SLC39A11: variants seen among roughly 807,000 people sequenced by gnomAD.
SLC39A11 encodes zinc transporter ZIP11.
A neutral mutation model predicts 36.1 loss-of-function variants in SLC39A11; 33 were observed. The observed-to-expected ratio is 0.91, with a 90% confidence interval of 0.69 to 1.22. The LOEUF (loss-of-function observed/expected upper bound fraction) is 1.22. Among genes scored for constraint, SLC39A11 ranks in the 50% most tolerant of loss-of-function variants. The pLI is 0.00. For synonymous variants in SLC39A11, 166 were observed against 170.3 expected, an observed-to-expected ratio of 0.97 and a Z score of 0.20; for missense variants, 432 against 430.3, an observed-to-expected ratio of 1.00 and a Z score of -0.03.
intron 1 of SLC39A11, among the ~76,000 whole-genome samples, chr17:73,089,952 A>C (rs1334099844): frequency 6.6e-6 from 1 of 152,160 alleles, no homozygotes; most frequent in Non-Finnish European, 1.5e-5. Flanking sequence ...AGGCAGAGAA[A>C]CCCATTTGTT....
chr17:72,999,674 G>A (rs1356690916), intron 4 of SLC39A11, among the ~76,000 whole-genome samples: 1 of 152,172 alleles, frequency 6.6e-6, no homozygotes, highest in East Asian at 1.9e-4. Flanking sequence ...TCCTGCTGTG[G>A]TGAACACTGA....
At chr17:72,960,838 C>A (rs1568026545) in intron 4 of SLC39A11, among the ~76,000 whole-genome samples, 1 of 150,800 alleles carries the variant, frequency 6.6e-6, no homozygotes, top group Non-Finnish European at 1.5e-5. Context: ...AAAAAAAAAA[C>A]CCTTCCTTTT....
chr17:72,959,655 A>T (rs1041127261), intron 4 of SLC39A11, among the ~76,000 whole-genome samples: 3 of 151,960 alleles, frequency 2.0e-5, no homozygotes, highest in Non-Finnish European at 4.4e-5. Context: ...AGTCTCACAA[A>T]CCACCACTAA....
intron 7 of SLC39A11, among the ~76,000 whole-genome samples, chr17:72,686,151 C>T (rs1160765340): frequency 6.6e-6 from 1 of 152,190 alleles, no homozygotes; most frequent in Non-Finnish European, 1.5e-5. Context: ...GGGTTTTCCT[C>T]AACCCATAAT....
chr17:72,923,170 G>C (rs1300863788), intron 5 of SLC39A11, among the ~76,000 whole-genome samples: 1 of 152,112 alleles, frequency 6.6e-6, no homozygotes, highest in Non-Finnish European at 1.5e-5. Context: ...CCCCTTTGCT[G>C]TAAGACTTAT....
At chr17:72,861,660 T>TAG (rs2080004118) in intron 5 of SLC39A11, among the ~76,000 whole-genome samples, 2 of 56,530 alleles carry the variant, frequency 3.5e-5, no homozygotes, top group Non-Finnish European at 8.2e-5. Flanking sequence ...CAACACATTA[T>TAG]ATATATATAT....
At chr17:73,026,643 A>T (rs1301343391) in intron 4 of SLC39A11, among the ~76,000 whole-genome samples, 1 of 152,144 alleles carries the variant, frequency 6.6e-6, no homozygotes, top group Admixed American at 6.5e-5. Context: ...AAAAGATAAA[A>T]GTAGGAGAAG....
intron 5 of SLC39A11, among the ~76,000 whole-genome samples, chr17:72,928,798 AAG>A (rs949389792): frequency 5.9e-5 from 9 of 152,194 alleles, no homozygotes; most frequent in African/African-American, 1.9e-4. Context: ...GGAACCGAGC[AAG>A]AGTTTTCATC....
At chr17:73,044,432 A>G (rs570395726) in intron 3 of SLC39A11, among the ~76,000 whole-genome samples, 1 of 152,374 alleles carries the variant, frequency 6.6e-6, no homozygotes, top group South Asian at 2.1e-4. Flanking sequence ...GAGTGAAAGA[A>G]GACAAACAAC....
chr17:72,760,785 C>T (rs1369846343), intron 6 of SLC39A11, among the ~76,000 whole-genome samples: 1 of 152,188 alleles, frequency 6.6e-6, no homozygotes, highest in Non-Finnish European at 1.5e-5. Flanking sequence ...AATCACTGCT[C>T]TCCATGGAAG....
At chr17:72,967,834 C>A (rs1284104164) in intron 4 of SLC39A11, among the ~76,000 whole-genome samples, 1 of 152,150 alleles carries the variant, frequency 6.6e-6, no homozygotes, top group Non-Finnish European at 1.5e-5. Flanking sequence ...CATGAGGGAT[C>A]AACTAGGGAG....
chr17:72,753,731 G>A (rs1598582059), intron 6 of SLC39A11, among the ~76,000 whole-genome samples: 1 of 151,766 alleles, frequency 6.6e-6, no homozygotes, highest in East Asian at 1.9e-4. Flanking sequence ...GTTGGAAAGG[G>A]CATTCTCCAG....
intron 4 of SLC39A11, among the ~76,000 whole-genome samples, chr17:72,951,261 C>CACAA (rs2085843034): frequency 1.1e-5 from 1 of 86,992 alleles, no homozygotes; most frequent in Admixed American, 1.3e-4. Context: ...GACCCTGTTG[C>CACAA]AAAAAAAAAA....
At chr17:73,013,972 T>C (rs538997232) in intron 4 of SLC39A11, among the ~76,000 whole-genome samples, 24 of 152,146 alleles carry the variant, frequency 1.6e-4, no homozygotes, top group Non-Finnish European at 2.9e-4. Flanking sequence ...CAAATTCTCT[T>C]AGCAGTGCCC....
intron 4 of SLC39A11, among the ~76,000 whole-genome samples, chr17:73,020,629 T>C (rs989783821): frequency 1.3e-5 from 2 of 151,990 alleles, no homozygotes; most frequent in Admixed American, 1.3e-4. Flanking sequence ...CAGGGGACCA[T>C]GTGAGAGAGA....
At chr17:73,005,385 G>A (rs935001194) in intron 4 of SLC39A11, among the ~76,000 whole-genome samples, 2 of 152,182 alleles carry the variant, frequency 1.3e-5, no homozygotes, top group Admixed American at 1.3e-4. Flanking sequence ...TAAGGGAACT[G>A]ACACGTATCA....
intron 3 of SLC39A11, among the ~76,000 whole-genome samples, chr17:73,082,766 T>C (rs922011301): frequency 6.6e-6 from 1 of 152,012 alleles, no homozygotes; most frequent in Non-Finnish European, 1.5e-5. Flanking sequence ...ATCCCAGCAC[T>C]TTGGAAGGCC....
intron 6 of SLC39A11, among the ~76,000 whole-genome samples, chr17:72,763,425 T>C (rs957200191): frequency 3.9e-5 from 6 of 152,234 alleles, no homozygotes; most frequent in Non-Finnish European, 8.8e-5. Context: ...TTTTATAGGC[T>C]TGAAGAATTC....
At chr17:72,990,633 G>A (rs2089105871) in intron 4 of SLC39A11, among the ~76,000 whole-genome samples, 1 of 152,036 alleles carries the variant, frequency 6.6e-6, no homozygotes, top group Admixed American at 6.6e-5. Context: ...TCACCATGTT[G>A]GCCAGGCTGG....
Sources: allele counts gnomAD v4.1 joint callset (sites outside exome capture counted in the v4.1 genomes callset), GRCh38; gene constraint gnomAD v4.1.1; transcripts MANE v1.5; gene names NCBI Gene and HGNC (gene_info 2026-07-23, HGNC 2026-07-21).